The following SMOC2 variants were observed in gnomAD, a reference collection of about 807,000 sequenced individuals.
SMOC2 encodes the protein SPARC related modular calcium binding 2, also known as SPARC-related modular calcium-binding protein 2.
In SMOC2, 39 loss-of-function variants were observed where a neutral mutation model predicts 61.4. The ratio of observed to expected loss-of-function variants is 0.64; its 90% CI spans 0.49 to 0.83. SMOC2 has a LOEUF of 0.83. Ranked by LOEUF, SMOC2 falls within the 40% of genes least tolerant of loss-of-function variation. The pLI is 0.00. For missense variants in SMOC2, 556 were observed against 592.9 expected (o/e 0.94, Z 0.65); for synonymous variants, 247 against 239.9 (o/e 1.03, Z -0.27).
intron 1 of SMOC2, among the ~76,000 whole-genome samples, chr6:168,444,346 C>T (rs1781285271): frequency 6.6e-6 from 1 of 152,162 alleles, no homozygotes; most frequent in African/African-American, 2.4e-5. Flanking sequence ...GTCTTACTCA[C>T]CTATGGTGAG....
chr6:168,528,310 A>G (rs1048288772), intron 4 of SMOC2, among the ~76,000 whole-genome samples: 81 of 140,792 alleles, frequency 5.8e-4, no homozygotes, highest in African/African-American at 2.0e-3. Context: ...GATTTAGATC[A>G]TTTTTATTTG....
At chr6:168,496,678 G>A (rs910841037) in intron 1 of SMOC2, among the ~76,000 whole-genome samples, 2 of 152,180 alleles carry the variant, frequency 1.3e-5, no homozygotes, top group Admixed American at 1.3e-4. Flanking sequence ...AGGACTGCAG[G>A]AGGCAGCGGT....
rs7752059 is a variant in SMOC2, at chr6:168,601,233, G to A, written c.824+2229G>A. ...ACCAAGATCGGGTCCACCCATCACC[G>A]TCTGGCCCGCTGGGAGTCCTGCTTT... On this transcript the variant is annotated intron_variant, in intron 8 of 12. Transcript: ENST00000356284. 8.9e-3 allele frequency among the ~76,000 whole-genome samples: 1,351 copies of A among 152,330 alleles called. 25 individuals carry two copies. Among genetic ancestry groups the A allele is most frequent in the African/African-American group, 0.031 (1,285 of 41,568 alleles).
intron 1 of SMOC2, among the ~76,000 whole-genome samples, chr6:168,461,361 TA>T: frequency 2.6e-5 from 4 of 152,288 alleles, no homozygotes; most frequent in African/African-American, 9.6e-5. Flanking sequence ...CAAACCATAT[TA>T]AAAGTGTAAG....
chr6:168,529,443 C>T (rs903212136), intron 4 of SMOC2, among the ~76,000 whole-genome samples: 2 of 152,190 alleles, frequency 1.3e-5, no homozygotes, highest in African/African-American at 4.8e-5. Flanking sequence ...GCTGGCTGCA[C>T]CCTTGGTGTT....
intron 9 of SMOC2, among the ~76,000 whole-genome samples, chr6:168,619,458 G>C (rs999290837): frequency 6.6e-6 from 1 of 152,156 alleles, no homozygotes; most frequent in East Asian, 1.9e-4. Flanking sequence ...CTAAACAATT[G>C]TTATTCTATT....
At chr6:168,450,082 G>T (rs994827874) in intron 1 of SMOC2, among the ~76,000 whole-genome samples, 1 of 152,150 alleles carries the variant, frequency 6.6e-6, no homozygotes, top group East Asian at 1.9e-4. Flanking sequence ...AGAGAAAAAA[G>T]AAAAGGAAGG....
rs1273789027 is a variant in SMOC2, at chr6:168,463,721, A to G, written c.84+22267A>G. ...CATCATCCTGAGAGAAGACTCTCCTAACACTTCCGGACTCCTCTCCAGAGG... is the reference window on the plus strand; with the variant it reads ...CATCATCCTGAGAGAAGACTCTCCTGACACTTCCGGACTCCTCTCCAGAGG... On this transcript the variant is annotated intron_variant, in intron 1 of 12. Transcript: ENST00000356284. Among the ~76,000 whole-genome samples the G allele has an allele frequency of 2.0e-5, 3 of 151,874 alleles. No individual in the cohort carries two copies. In the East Asian group the frequency reaches 5.8e-4, roughly 29 times the overall value.
intron 1 of SMOC2, among the ~76,000 whole-genome samples, chr6:168,459,804 C>A (rs944145491): frequency 2.3e-5 from 3 of 129,864 alleles, no homozygotes; most frequent in African/African-American, 8.9e-5. Flanking sequence ...TGGGTGAGCC[C>A]CGGGCTGGGT....
Position 168,666,727 on chromosome 6 carries a change from CAT to C in SMOC2, c.*290_*291del, listed in dbSNP as rs1490183529. 3 of 463,004 alleles carry C rather than the reference CAT, an allele frequency of 6.5e-6. No homozygotes were observed. Among genetic ancestry groups the C allele is most frequent in the African/African-American group, 2.0e-5 (1 of 50,826 alleles). The allele number at this position is 463,004 out of a possible 1,614,324, so 28.7% of individuals were successfully genotyped here. ...TTAGGCTTAATTTCTTCGCCTTCCA[CAT>C]GTTAACAGTAGAGCTCTATGCACTC... On this transcript the variant is annotated 3_prime_UTR_variant, in exon 13 of 13. Transcript: ENST00000356284.
At chr6:168,479,212 A>G (rs1782155561) in intron 1 of SMOC2, among the ~76,000 whole-genome samples, 1 of 152,242 alleles carries the variant, frequency 6.6e-6, no homozygotes, top group Non-Finnish European at 1.5e-5. Flanking sequence ...CAGGTCTAGA[A>G]CAGCCCTGGG....
chr6:168,457,679 G>A (rs1282404785), intron 1 of SMOC2, among the ~76,000 whole-genome samples: 3 of 139,582 alleles, frequency 2.1e-5, no homozygotes, highest in Non-Finnish European at 3.1e-5. Context: ...CCCTCCCCAC[G>A]CCCACGAGTA....
chr6:168,568,300 G>T (rs181217416), intron 7 of SMOC2, among the ~76,000 whole-genome samples: 77 of 152,312 alleles, frequency 5.1e-4, no homozygotes, highest in African/African-American at 1.8e-3. Flanking sequence ...CTTTTTCACA[G>T]ACTTTATTTT....
chr6:168,457,128 C>A (rs563476166), intron 1 of SMOC2, among the ~76,000 whole-genome samples: 2 of 152,236 alleles, frequency 1.3e-5, no homozygotes, highest in African/African-American at 4.8e-5. Context: ...GCGGCCGCCA[C>A]GCCCCTCTCC....
chr6:168,533,604 G>A (rs984674091), intron 4 of SMOC2, among the ~76,000 whole-genome samples: 1 of 152,166 alleles, frequency 6.6e-6, no homozygotes, highest in African/African-American at 2.4e-5. Flanking sequence ...AGCACTTCCT[G>A]GTAGAAATCA....
intron 9 of SMOC2, among the ~76,000 whole-genome samples, chr6:168,643,472 C>T (rs933145292): frequency 2.0e-5 from 3 of 152,168 alleles, no homozygotes; most frequent in Admixed American, 6.5e-5. Context: ...GCAGGGTCTT[C>T]GTGGGCCTTC....
intron 7 of SMOC2, among the ~76,000 whole-genome samples, chr6:168,588,240 C>T (rs995436665): frequency 5.3e-5 from 8 of 151,824 alleles, no homozygotes; most frequent in Non-Finnish European, 1.2e-4. Context: ...TCTCCTGTCT[C>T]GGCCCCCTGA....
chr6:168,547,001 G>A (rs1726962162), intron 5 of SMOC2, 118 bp from the exon 6 acceptor site: 5 of 1,225,686 alleles, frequency 4.1e-6, no homozygotes, highest in Admixed American at 1.7e-5. Flanking sequence ...TGGGGTTGCT[G>A]TTGTGGTTGA....
At chr6:168,555,262 CAT>C in intron 7 of SMOC2, among the ~76,000 whole-genome samples, 1 of 152,384 alleles carries the variant, frequency 6.6e-6, no homozygotes, top group Admixed American at 6.5e-5. Context: ...TAAAAAAGCA[CAT>C]ATTGCAAAAG....
Sources: gnomAD v4.1 joint callset for allele counts (sites outside exome capture counted in the v4.1 genomes callset) on GRCh38, gnomAD v4.1.1 for gene constraint, MANE v1.5 for transcripts, NCBI Gene and HGNC (gene_info 2026-07-23, HGNC 2026-07-21) for gene names.